Variants in NLGN1 observed in about 807,000 individuals in gnomAD.
The protein encoded by NLGN1 is neuroligin-1.
Under a neutral mutation model 65.5 loss-of-function variants are expected in NLGN1, and 12 were observed. The observed-to-expected ratio is 0.18, with a 90% CI of 0.12 to 0.30. NLGN1 has a LOEUF of 0.30. Ranked by LOEUF, NLGN1 falls within the 10% of genes least tolerant of loss-of-function variation. NLGN1 has a pLI of 1.00. For synonymous variants in NLGN1, 350 were observed against 359.5 expected (o/e 0.97, Z 0.30); for missense variants, 750 against 1,007.1 (o/e 0.74, Z 3.46).
chr3:174,021,659 G>A (rs1194655031), intron 4 of NLGN1, among the ~76,000 whole-genome samples: 1 of 152,136 alleles, frequency 6.6e-6, no homozygotes, highest in Non-Finnish European at 1.5e-5. Flanking sequence ...CCAGTCACGT[G>A]GTTCTAGCCT....
At chr3:173,463,734 T>C (rs780141217) in intron 2 of NLGN1, among the ~76,000 whole-genome samples, 2 of 152,140 alleles carry the variant, frequency 1.3e-5, no homozygotes, top group Non-Finnish European at 2.9e-5. Flanking sequence ...AAACACTGTA[T>C]CATGATAGAT....
At chr3:173,488,006 A>G (rs1285742258) in intron 2 of NLGN1, among the ~76,000 whole-genome samples, 1 of 151,198 alleles carries the variant, frequency 6.6e-6, no homozygotes, top group Admixed American at 6.6e-5. Flanking sequence ...GTTGTATTTT[A>G]TCGCTTTTTT....
intron 4 of NLGN1, among the ~76,000 whole-genome samples, chr3:173,953,811 G>A (rs898815584): frequency 1.3e-5 from 2 of 152,114 alleles, no homozygotes; most frequent in African/African-American, 4.8e-5. Context: ...CCCAGGTGCT[G>A]GGGTTACAGG....
At chr3:173,659,061 T>G (rs1760513030) in intron 3 of NLGN1, among the ~76,000 whole-genome samples, 1 of 152,010 alleles carries the variant, frequency 6.6e-6, no homozygotes, top group South Asian at 2.1e-4. Context: ...CCTTGCATTA[T>G]CTCATTAGGC....
At chr3:174,030,685 G>T (rs192921634) in intron 4 of NLGN1, among the ~76,000 whole-genome samples, 1 of 152,274 alleles carries the variant, frequency 6.6e-6, no homozygotes, top group East Asian at 1.9e-4. Flanking sequence ...TTAATCCACA[G>T]GTGGTGGCAG....
chr3:173,891,328 C>T (rs1348292545), intron 4 of NLGN1, among the ~76,000 whole-genome samples: 48 of 152,096 alleles, frequency 3.2e-4, no homozygotes, highest in Non-Finnish European at 1.8e-4. Context: ...AATCATATCC[C>T]CTTAGATTCT....
chr3:173,531,723 A>G (rs566544241), intron 2 of NLGN1, among the ~76,000 whole-genome samples: 1 of 152,122 alleles, frequency 6.6e-6, no homozygotes, highest in East Asian at 1.9e-4. Flanking sequence ...GTAATTCTCA[A>G]CAGATCAAAG....
chr3:173,969,434 A>G lies in NLGN1; in HGVS notation c.646+161602A>G, dbSNP rs183455455. Among the ~76,000 whole-genome samples, 346 of 152,272 alleles carry G rather than the reference A, an allele frequency of 2.3e-3. 1 individual carries two copies. Among genetic ancestry groups the G allele is most frequent in the African/African-American group, 7.8e-3 (324 of 41,586 alleles). On this transcript the variant is annotated intron_variant, in intron 4 of 6. Transcript: ENST00000457714. ...AAAGAAAAATTATTTTAATATTCAT[A>G]TATTACCCATTCATAAACACTAAAA...
intron 4 of NLGN1, among the ~76,000 whole-genome samples, chr3:173,896,545 G>A (rs1423906143): frequency 6.6e-6 from 1 of 152,166 alleles, no homozygotes; most frequent in Admixed American, 6.5e-5. Context: ...TACTTTCATA[G>A]TGTTTATGAA....
chr3:173,552,266 C>A (rs1740995473), intron 2 of NLGN1, among the ~76,000 whole-genome samples: 1 of 152,180 alleles, frequency 6.6e-6, no homozygotes, highest in African/African-American at 2.4e-5. Flanking sequence ...TCACTCTCAA[C>A]AGGTCAGAAG....
At chr3:173,995,877 T>C (rs1425526761) in intron 4 of NLGN1, among the ~76,000 whole-genome samples, 2 of 151,804 alleles carry the variant, frequency 1.3e-5, no homozygotes, top group African/African-American at 2.4e-5. Flanking sequence ...GTAGAGACAG[T>C]GTCTCAGTAT....
At chr3:173,400,345 A>G (rs1019431158) in intron 1 of NLGN1, among the ~76,000 whole-genome samples, 5 of 152,108 alleles carry the variant, frequency 3.3e-5, no homozygotes, top group African/African-American at 1.2e-4. Context: ...CCACAACCCT[A>G]ATGCCACTCA....
intron 4 of NLGN1, among the ~76,000 whole-genome samples, chr3:173,953,616 A>G (rs1229085538): frequency 6.6e-6 from 1 of 152,090 alleles, no homozygotes; most frequent in Non-Finnish European, 1.5e-5. Flanking sequence ...GTGCAGTGGC[A>G]CTATCATGGC....
intron 4 of NLGN1, among the ~76,000 whole-genome samples, chr3:173,833,659 C>T (rs192775540): frequency 1.7e-3 from 253 of 152,102 alleles, no homozygotes; most frequent in Non-Finnish European, 2.9e-3. Context: ...GCTGGGTCTG[C>T]GGGCATGCAC....
At chr3:174,203,512 C>T (rs1468206078) in intron 4 of NLGN1, among the ~76,000 whole-genome samples, 1 of 152,124 alleles carries the variant, frequency 6.6e-6, no homozygotes, top group Non-Finnish European at 1.5e-5. Flanking sequence ...GGACTTTCTT[C>T]TGCTGCCCAG....
intron 4 of NLGN1, among the ~76,000 whole-genome samples, chr3:173,846,069 C>G (rs1185096501): frequency 1.3e-5 from 2 of 152,056 alleles, no homozygotes; most frequent in African/African-American, 4.8e-5. Flanking sequence ...GCATGTACCA[C>G]CACTCCTGGC....
At chr3:174,011,480 A>G (rs1309829099) in intron 4 of NLGN1, among the ~76,000 whole-genome samples, 2 of 152,196 alleles carry the variant, frequency 1.3e-5, no homozygotes, top group South Asian at 2.1e-4. Context: ...AACAATGAAT[A>G]TAAATGCAAA....
At chr3:173,491,095 C>T (rs1411040380) in intron 2 of NLGN1, among the ~76,000 whole-genome samples, 1 of 151,704 alleles carries the variant, frequency 6.6e-6, no homozygotes, top group Non-Finnish European at 1.5e-5. Context: ...TTTCTTTCTC[C>T]TGCCTGATTG....
At chr3:174,084,021 G>A (rs1742784291) in intron 4 of NLGN1, among the ~76,000 whole-genome samples, 1 of 152,144 alleles carries the variant, frequency 6.6e-6, no homozygotes, top group African/African-American at 2.4e-5. Flanking sequence ...ATACAAAAAG[G>A]TGATGCTTCT....
Sources: gnomAD v4.1 joint callset for allele counts (sites outside exome capture counted in the v4.1 genomes callset) on GRCh38, gnomAD v4.1.1 for gene constraint, MANE v1.5 for transcripts, NCBI Gene and HGNC (gene_info 2026-07-23, HGNC 2026-07-21) for gene names.